PFKFB3: variants seen among roughly 807,000 people sequenced by gnomAD.
PFKFB3 encodes 6-phosphofructo-2-kinase/fructose-2,6-biphosphatase 3.
A neutral mutation model predicts 68.0 loss-of-function variants in PFKFB3; 33 were observed. The ratio of observed to expected loss-of-function variants is 0.49; its 90% CI spans 0.37 to 0.65. The LOEUF (loss-of-function observed/expected upper bound fraction) is 0.65. PFKFB3 is among the 30% of genes least tolerant of loss of function. The pLI, the probability that PFKFB3 is intolerant of heterozygous loss-of-function variation, is 0.00. For synonymous variants in PFKFB3, 315 were observed against 288.2 expected (o/e 1.09, Z -0.94); for missense variants, 586 against 712.2 (o/e 0.82, Z 2.02).
intron 1 of PFKFB3, among the ~76,000 whole-genome samples, chr10:6,192,995 T>C (rs1843075167): frequency 6.6e-6 from 1 of 152,180 alleles, no homozygotes; most frequent in Non-Finnish European, 1.5e-5. Flanking sequence ...CTCAGAGCCC[T>C]GCAGGATTTA....
At chr10:6,147,380 T>G (rs1841427273) in intron 1 of PFKFB3, among the ~76,000 whole-genome samples, 1 of 152,228 alleles carries the variant, frequency 6.6e-6, no homozygotes, top group African/African-American at 2.4e-5. Context: ...CTCTGCGGGC[T>G]GGAAGCTGAG....
At chr10:6,224,522 C>G (rs1217000188) in intron 13 of PFKFB3, 1 of 515,802 alleles carries the variant, frequency 1.9e-6, no homozygotes, top group African/African-American at 1.9e-5. Flanking sequence ...AGTCTGTTCC[C>G]CAGGCTGGAG....
Position 6,224,172 on chromosome 10 carries a change from C to T in PFKFB3, c.1300C>T (p.Leu434=), listed in dbSNP as rs760356335. The change falls in exon 13 of 15, where the codon CTG becomes TTG. Residue 434 remains leucine, a synonymous_variant. Coordinates refer to ENST00000379775, the MANE Select transcript of PFKFB3 (RefSeq NM_004566.4). Reference sequence around the variant, plus strand: ...AGGCTGCCGTGTGGAATCCATCTACCTGAACGTGGAGTCCGTCTGCACACA... The same window carrying T: ...AGGCTGCCGTGTGGAATCCATCTACTTGAACGTGGAGTCCGTCTGCACACA... ...AYGCRVESIY[L]NVESVCTHRE... The T allele has an allele frequency of 6.2e-7, 1 of 1,614,104 alleles. No individual in the cohort carries two copies. The highest frequency in any genetic ancestry group is 1.3e-5 in the African/African-American group (1 of 74,932).
At chr10:6,249,040 G>T (rs1216360264) in intron 14 of PFKFB3, among the ~76,000 whole-genome samples, 1 of 152,046 alleles carries the variant, frequency 6.6e-6, no homozygotes, top group Non-Finnish European at 1.5e-5. Flanking sequence ...TAGGCATGGT[G>T]GCACATGCCT....
At chr10:6,293,134 C>A in the PFKFB3 span, 1 of 448,848 alleles carries the variant, frequency 2.2e-6, no homozygotes, top group South Asian at 1.8e-5. Context: ...TTAGGCTTTT[C>A]ATCATGCTTG....
At position 6,232,915 on chromosome 10, in the gene PFKFB3, C is replaced by T; in HGVS notation, c.1536C>T (p.Ser512=). ...AACAGAACATGAAAGGCTCCCGGAGCAGCGCTGACTCCTCCAGGAAACACT... is the reference window on the plus strand; with the variant it reads ...AACAGAACATGAAAGGCTCCCGGAGTAGCGCTGACTCCTCCAGGAAACACT... ...LPGQNMKGSR[S]SADSSRKH Residue 512 remains serine (S), a synonymous_variant, in exon 15 of 15, where the codon AGC becomes AGT. Coordinates refer to ENST00000379775, the MANE Select transcript of PFKFB3 (RefSeq NM_004566.4). The T allele has an allele frequency of 1.2e-6, 2 of 1,613,320 alleles. No homozygotes were observed. Among genetic ancestry groups the T allele is most frequent in the Non-Finnish European group, 1.7e-6 (2 of 1,179,436 alleles).
the PFKFB3 span, chr10:6,277,740 C>T: frequency 2.4e-6 from 1 of 424,174 alleles, no homozygotes; most frequent in East Asian, 8.1e-5. Context: ...CAGCACCACG[C>T]TTTCTGTACA....
chr10:6,222,830 CGTGG>C, intron 10 of PFKFB3, 21 bp from the exon 11 acceptor site: 1 of 1,601,960 alleles, frequency 6.2e-7, no homozygotes, highest in Non-Finnish European at 8.5e-7. Context: ...CCTGAGCTCA[CGTGG>C]GCCCGGCCCT....
intron 1 of PFKFB3, among the ~76,000 whole-genome samples, chr10:6,151,567 G>A (rs570051888): frequency 7.9e-5 from 12 of 152,166 alleles, no homozygotes; most frequent in East Asian, 1.9e-4. Context: ...GTCTGCTGTC[G>A]TGACTGTCTG....
intron 1 of PFKFB3, among the ~76,000 whole-genome samples, chr10:6,151,381 G>A (rs532552631): frequency 6.6e-6 from 1 of 151,520 alleles, no homozygotes; most frequent in Non-Finnish European, 1.5e-5. Flanking sequence ...CTTCCCCCTG[G>A]CCTGGGCTTC....
At chr10:6,310,640 T>C in the PFKFB3 span, among the ~76,000 whole-genome samples, 1 of 152,226 alleles carries the variant, frequency 6.6e-6, no homozygotes, top group Non-Finnish European at 1.5e-5. Context: ...ATTTTATATG[T>C]AGTTCTTTTA....
intron 14 of PFKFB3, among the ~76,000 whole-genome samples, chr10:6,247,371 G>C (rs559810850): frequency 6.6e-6 from 1 of 152,212 alleles, no homozygotes; most frequent in South Asian, 2.1e-4. Context: ...TCTTCTTGTG[G>C]GGAAGAAAAA....
chr10:6,216,252 G>C, intron 4 of PFKFB3, 61 bp downstream of exon 4: 5 of 1,469,372 alleles, frequency 3.4e-6, no homozygotes, highest in Non-Finnish European at 4.8e-6. Context: ...TGTCCTCACC[G>C]GCCTGGGGTG....
chr10:6,274,760 C>T, the PFKFB3 span, among the ~76,000 whole-genome samples: 55 of 151,332 alleles, frequency 3.6e-4, no homozygotes, highest in African/African-American at 1.2e-3. Flanking sequence ...CCCTCGAGCC[C>T]GGGTGGTCGA....
At chr10:6,245,645 GTC>G (rs1291694074) in intron 14 of PFKFB3, 4 of 151,980 alleles carry the variant, frequency 2.6e-5, no homozygotes, top group Non-Finnish European at 5.9e-5. Flanking sequence ...GTCCAGGCTG[GTC>G]TCAAACTCCT....
the PFKFB3 span, among the ~76,000 whole-genome samples, chr10:6,263,988 G>A: frequency 6.6e-6 from 1 of 152,120 alleles, no homozygotes; most frequent in Non-Finnish European, 1.5e-5. Flanking sequence ...GTCCAGCCAC[G>A]GTTATCTTCT....
intron 1 of PFKFB3, among the ~76,000 whole-genome samples, chr10:6,185,573 T>C (rs1842846154): frequency 6.6e-6 from 1 of 151,262 alleles, no homozygotes; most frequent in African/African-American, 2.4e-5. Flanking sequence ...CAGGGGCTCA[T>C]CTGGGTCACT....
chr10:6,248,522 G>A (rs1046830759), intron 14 of PFKFB3, among the ~76,000 whole-genome samples: 1 of 151,070 alleles, frequency 6.6e-6, no homozygotes, highest in Non-Finnish European at 1.5e-5. Context: ...CCAGCTACTC[G>A]GGAGGCTGAG....
At chr10:6,224,262 C>T (rs772757827) in intron 13 of PFKFB3, 49 bp downstream of exon 13, 2 of 1,581,426 alleles carry the variant, frequency 1.3e-6, no homozygotes, top group African/African-American at 1.3e-5. Context: ...CACGATAGCC[C>T]TAGTGGGTGA....
Sources: gnomAD v4.1 joint callset for allele counts (sites outside exome capture counted in the v4.1 genomes callset) on GRCh38, gnomAD v4.1.1 for gene constraint, MANE v1.5 for transcripts, NCBI Gene and HGNC (gene_info 2026-07-23, HGNC 2026-07-21) for gene names.